The following ZNF480 variants were observed in gnomAD, a reference collection of about 807,000 sequenced individuals.
ZNF480 encodes zinc finger protein 480.
A neutral mutation model predicts 14.4 loss-of-function variants in ZNF480; 15 were observed. The observed-to-expected ratio is 1.04, with a 90% confidence interval of 0.70 to 1.60. ZNF480 has a LOEUF of 1.60. ZNF480 is among the 40% of genes most tolerant of loss of function. ZNF480 has a pLI of 0.00. For missense variants in ZNF480, 593 were observed against 629.7 expected (o/e 0.94, Z 0.62); for synonymous variants, 218 against 215.5 (o/e 1.01, Z -0.10).
rs760378021 is a variant in ZNF480 at position 52,322,848 on chromosome 19, A to C, written c.1598A>C (p.His533Pro). The C allele has an allele frequency of 1.3e-6, 2 of 1,576,768 alleles. No individual in the cohort carries two copies. Among genetic ancestry groups the C allele is most frequent in the Non-Finnish European group, 1.7e-6 (2 of 1,158,490 alleles). The change falls in exon 5 of 5, where the codon CAT becomes CCT. Residue 533 changes from histidine to proline, a missense_variant. By Grantham distance (77) the His-to-Pro change is moderately conservative. Coordinates refer to ENST00000595962, the MANE Select transcript of ZNF480 (RefSeq NM_144684.4). ...ISYLAQHWTI[H>P]MG ...TACCTAGCACAACATTGGACAATTC[A>C]TATGGGATAGAAACTACAAATGCAA...
chr19:52,316,447 C>T (rs1195450300), intron 4 of ZNF480, among the ~76,000 whole-genome samples: 1 of 152,068 alleles, frequency 6.6e-6, no homozygotes, highest in African/African-American at 2.4e-5. Flanking sequence ...CCAGGCTGGT[C>T]TCGAACTCCT....
intron 2 of ZNF480, chr19:52,307,636 T>C (rs1013670404): frequency 2.0e-5 from 3 of 151,556 alleles, no homozygotes; most frequent in Non-Finnish European, 2.9e-5. Context: ...TGAACAGAGT[T>C]TGACCCACAT....
intron 2 of ZNF480, among the ~76,000 whole-genome samples, chr19:52,306,102 C>T (rs1437697688): frequency 6.6e-6 from 1 of 152,134 alleles, no homozygotes; most frequent in Non-Finnish European, 1.5e-5. Context: ...AGATTACCTC[C>T]AATACCATCA....
Position 52,322,892 on chromosome 19 carries a change from T to C in ZNF480, c.*34T>C. 6.6e-7 allele frequency: 1 copy of C among 1,525,308 alleles called. No homozygotes were observed. The highest frequency in any genetic ancestry group is 8.8e-7 in the Non-Finnish European group (1 of 1,134,214). 94.5% of individuals were successfully genotyped at this position (1,525,308 alleles called of 1,614,324 possible). On this transcript the variant is annotated 3_prime_UTR_variant, in exon 5 of 5. Coordinates refer to ENST00000595962, the MANE Select transcript of ZNF480 (RefSeq NM_144684.4). The stretch of plus-strand genomic sequence containing the variant: ...AATGCAACAAATGCGTCAAAGAATT[T>C]AGTGTGCACTCAAGCCTTACTACCC...
intron 4 of ZNF480, among the ~76,000 whole-genome samples, chr19:52,320,312 C>T (rs568374459): frequency 3.9e-5 from 6 of 152,240 alleles, no homozygotes; most frequent in African/African-American, 1.2e-4. Flanking sequence ...GTCTATCTCT[C>T]CTTGATATCT....
chr19:52,300,534 G>A (rs192668525), intron 2 of ZNF480, 50 bp downstream of exon 2: 17 of 1,604,354 alleles, frequency 1.1e-5, no homozygotes, highest in South Asian at 3.3e-5. Flanking sequence ...TTTCAGAAAC[G>A]CTGGGCCTTC....
At chr19:52,304,389 T>C (rs1322835048) in intron 2 of ZNF480, among the ~76,000 whole-genome samples, 10 of 152,172 alleles carry the variant, frequency 6.6e-5, no homozygotes, top group Non-Finnish European at 2.9e-5. Context: ...ATTTATGTGA[T>C]TTTTTTCTTA....
intron 2 of ZNF480, among the ~76,000 whole-genome samples, chr19:52,308,036 C>T (rs993760435): frequency 7.9e-5 from 12 of 152,112 alleles, no homozygotes; most frequent in African/African-American, 2.2e-4. Context: ...TTCCATCTCC[C>T]GTTACCCAGT....
Position 52,324,020 on chromosome 19 carries a change from G to A in ZNF480, c.*1162G>A, listed in dbSNP as rs548247649. 6.6e-6 allele frequency: 1 copy of A among 152,136 alleles called. No homozygotes were observed. Among genetic ancestry groups the A allele is most frequent in the Non-Finnish European group, 1.5e-5 (1 of 67,998 alleles). 9.4% of individuals were successfully genotyped at this position (152,136 alleles called of 1,614,324 possible). On this transcript the variant is annotated 3_prime_UTR_variant, in exon 5 of 5. Transcript: ENST00000595962. Reference sequence around the variant, plus strand: ...AGAGGGGAAGTCAGTTTCTCTTGCAGAAGATATAATTCTGTATTTAGAAAA... The same window carrying A: ...AGAGGGGAAGTCAGTTTCTCTTGCAAAAGATATAATTCTGTATTTAGAAAA...
chr19:52,319,811 GT>G (rs56151161), intron 4 of ZNF480, among the ~76,000 whole-genome samples: 3,588 of 96,634 alleles, frequency 0.037, 127 homozygotes, highest in African/African-American at 0.11. Flanking sequence ...CTGATACTGT[GT>G]TTTTTTTTTT....
intron 3 of ZNF480, among the ~76,000 whole-genome samples, chr19:52,314,675 G>A (rs563678278): frequency 1.0e-3 from 156 of 151,428 alleles, no homozygotes; most frequent in African/African-American, 3.7e-3. Flanking sequence ...ATGGTGGTGG[G>A]AGCCTGTAAT....
At chr19:52,310,209 C>T (rs1432188564) in intron 2 of ZNF480, among the ~76,000 whole-genome samples, 1 of 151,952 alleles carries the variant, frequency 6.6e-6, no homozygotes, top group Non-Finnish European at 1.5e-5. Flanking sequence ...GCACCCACCA[C>T]CATGCCCAGC....
At position 52,323,047 on chromosome 19, in the gene ZNF480, T is replaced by A; in HGVS notation, c.*189T>A. The A allele has an allele frequency of 2.1e-6, 1 of 472,124 alleles. No homozygotes were observed. The highest frequency in any genetic ancestry group is 3.5e-6 in the Non-Finnish European group (1 of 282,730). 29.2% of individuals were successfully genotyped at this position (472,124 alleles called of 1,614,324 possible). ...AGACTTCACAATTATAATAAATGTG[T>A]GGAAAAGTCTTCAAAAAAATTTCAC... On this transcript the variant is annotated 3_prime_UTR_variant, in exon 5 of 5. Coordinates refer to ENST00000595962, the MANE Select transcript of ZNF480 (RefSeq NM_144684.4).
At chr19:52,307,360 C>G (rs547884472) in intron 2 of ZNF480, 1 of 152,366 alleles carries the variant, frequency 6.6e-6, no homozygotes, top group South Asian at 2.1e-4. Flanking sequence ...CCATTGTTAC[C>G]CTGATGCTTC....
Sources: gnomAD v4.1 joint callset for allele counts (sites outside exome capture counted in the v4.1 genomes callset) on GRCh38, gnomAD v4.1.1 for gene constraint, MANE v1.5 for transcripts, NCBI Gene and HGNC (gene_info 2026-07-23, HGNC 2026-07-21) for gene names.